Variants in STAMBP observed in about 807,000 individuals in gnomAD.
STAMBP encodes STAM-binding protein.
STAMBP carries 31 observed loss-of-function variants against 50.7 expected under a neutral mutation model. The observed-to-expected ratio is 0.61, with a 90% CI of 0.46 to 0.83. The LOEUF is 0.83. Among genes scored for constraint, STAMBP ranks in the 40% least tolerant of loss-of-function variants. The pLI, the probability that STAMBP is intolerant of heterozygous loss-of-function variation, is 0.00. For missense variants in STAMBP, 472 were observed against 518.9 expected (o/e 0.91, Z 0.88); for synonymous variants, 211 against 192.4 (o/e 1.10, Z -0.80).
In STAMBP at chr2:73,850,231, T is replaced by C. The variant is rs1415878511; in HGVS notation, c.868-145T>C. ...AGGCAATGTGCATCAGCAGCCAAGG[T>C]TGTGAACCACTGAGTGGCAGGACTC... is the stretch of plus-strand genomic sequence containing the variant. On this transcript the variant is annotated intron_variant, in intron 6 of 9. Coordinates refer to ENST00000394070, the MANE Select transcript of STAMBP (RefSeq NM_213622.4). The surrounding 1 kb of genome is among the most constrained non-coding windows in gnomAD (Gnocchi z 4.3). 2.8e-6 allele frequency: 3 copies of C among 1,081,424 alleles called. No individual in the cohort carries two copies. Among genetic ancestry groups the C allele is most frequent in the Non-Finnish European group, 4.0e-6 (3 of 758,224 alleles). The allele number at this position is 1,081,424 out of a possible 1,614,324, so 67.0% of individuals were successfully genotyped here. A position where few individuals can be genotyped will look rare whatever the true frequency, so the allele number is the denominator to read the frequency against.
chr2:73,872,399 C>G (rs1305991373), intron 10 of STAMBP, among the ~76,000 whole-genome samples: 1 of 152,178 alleles, frequency 6.6e-6, no homozygotes, highest in Non-Finnish European at 1.5e-5. Context: ...GGGGTAGTGA[C>G]CTTCTCACTC....
At chr2:73,847,350 G>A (rs1171078123) in intron 4 of STAMBP, 37 bp from the exon 5 acceptor site, 1 of 1,557,212 alleles carries the variant, frequency 6.4e-7, no homozygotes, top group African/African-American at 1.4e-5. Context: ...AAGTCACTGA[G>A]GTGTGAAGTG....
At chr2:73,868,546 G>C (rs546102171), downstream of STAMBP, among the ~76,000 whole-genome samples, 3 of 152,262 alleles carry the variant, frequency 2.0e-5, no homozygotes, top group South Asian at 6.2e-4. Context: ...ATTTTTTTAA[G>C]ATGAAAATCA....
Position 73,860,104 on chromosome 2 carries a change from C to T in STAMBP, c.1171C>T (p.Arg391Cys), listed in dbSNP as rs1272766907. 5 of 1,613,596 alleles carry T rather than the reference C, an allele frequency of 3.1e-6. No homozygotes were observed. The highest frequency in any genetic ancestry group is 4.5e-5 in the East Asian group (2 of 44,890). The part of the protein sequence containing the change: ...DHGLEEISSC[R>C]QKGFHPHSKD... Reference sequence around the variant, plus strand: ...TGGACTAGAGGAGATTTCTTCCTGTCGCCAGAAAGGATTTCATCCACACAG... The same window carrying T: ...TGGACTAGAGGAGATTTCTTCCTGTTGCCAGAAAGGATTTCATCCACACAG... The change falls in exon 9 of 10, where the codon CGC becomes TGC. Residue 391 changes from arginine to cysteine, a missense_variant. Transcript: ENST00000394070.
At chr2:73,851,462 G>A (rs1478958208) in intron 7 of STAMBP, among the ~76,000 whole-genome samples, 1 of 152,186 alleles carries the variant, frequency 6.6e-6, no homozygotes, top group African/African-American at 2.4e-5. Flanking sequence ...AGGCACTGTG[G>A]AATTCAGAGG....
chr2:73,829,962 T>C (rs79563088), intron 1 of STAMBP, among the ~76,000 whole-genome samples: 3,610 of 152,304 alleles, frequency 0.024, 142 homozygotes, highest in African/African-American at 0.081. Flanking sequence ...TTCTAGAGCA[T>C]ACTGATTAGG....
chr2:73,860,040 T>G lies in STAMBP; in HGVS notation c.1119-12T>G. On this transcript the variant is annotated splice_polypyrimidine_tract_variant and intron_variant, in intron 8 of 9. Transcript: ENST00000394070. ...TTTGCTTGACTCTTAGCCTGCCTTT[T>G]TTAAATTTCAGAACTGGATTCTTTA... The G allele has an allele frequency of 6.2e-7, 1 of 1,612,196 alleles. No individual in the cohort carries two copies. Among genetic ancestry groups the G allele is most frequent in the Non-Finnish European group, 8.5e-7 (1 of 1,178,556 alleles).
intron 2 of STAMBP, among the ~76,000 whole-genome samples, chr2:73,842,526 C>A (rs1352494688): frequency 6.6e-6 from 1 of 152,100 alleles, no homozygotes; most frequent in Non-Finnish European, 1.5e-5. Context: ...TTTTATAAGT[C>A]TTTCTTAAAT....
Position 73,857,068 on chromosome 2 carries a change from C to A in STAMBP, c.1006-2186C>A, listed in dbSNP as rs577433437. Among the ~76,000 whole-genome samples, 92 of 152,326 alleles carry A rather than the reference C, an allele frequency of 6.0e-4. 1 individual carries two copies. Among genetic ancestry groups the A allele is most frequent in the African/African-American group, 4.6e-4 (19 of 41,568 alleles). On this transcript the variant is annotated intron_variant, in intron 7 of 9. Transcript: ENST00000394070. ...CTGGAATGTGGCACAGCATTGAATT[C>A]TTCTGCCTTGTCTATTCCAGCCTCA... is the stretch of plus-strand genomic sequence containing the variant.
intron 7 of STAMBP, among the ~76,000 whole-genome samples, chr2:73,851,523 C>T (rs1038471866): frequency 6.6e-6 from 1 of 152,152 alleles, no homozygotes; most frequent in Non-Finnish European, 1.5e-5. Context: ...CAAGCTGGGC[C>T]AAGGGCAAGT....
intron 2 of STAMBP, among the ~76,000 whole-genome samples, chr2:73,834,236 AATATATATATATATATATATATATAT>A (rs148699255): frequency 2.7e-5 from 1 of 36,414 alleles, no homozygotes; most frequent in African/African-American, 1.6e-4. Context: ...AAAAAAAAAA[AATATATATATATATATATATATATAT>A]ATATATATAT....
chr2:73,854,153 A>G (rs1285139962), intron 7 of STAMBP, among the ~76,000 whole-genome samples: 1 of 152,236 alleles, frequency 6.6e-6, no homozygotes, highest in Non-Finnish European at 1.5e-5. Context: ...GGGGAAAAAC[A>G]TCCATTCCTC....
In STAMBP at chr2:73,851,423, C is replaced by T. The variant is rs144396289; in HGVS notation, c.1005+910C>T. 2.4e-3 allele frequency among the ~76,000 whole-genome samples: 358 copies of T among 152,258 alleles called. 4 individuals carry two copies. Among genetic ancestry groups the T allele is most frequent in the African/African-American group, 7.7e-3 (320 of 41,552 alleles). On this transcript the variant is annotated intron_variant, in intron 7 of 9. Transcript: ENST00000394070. ...ATTAATAACTTCACCTGGGGCAGAA[C>T]GTGCTAAAGGCCACAAGAGGTGCCA...
intron 7 of STAMBP, among the ~76,000 whole-genome samples, chr2:73,857,201 G>T (rs1383461452): frequency 6.6e-6 from 1 of 152,080 alleles, no homozygotes; most frequent in Non-Finnish European, 1.5e-5. Context: ...CTGTCCCTGG[G>T]TCCTCTCCAT....
At chr2:73,834,237 AT>A (rs57610127) in intron 2 of STAMBP, among the ~76,000 whole-genome samples, 4,654 of 11,028 alleles carry the variant, frequency 0.42, 1,193 homozygotes, top group Non-Finnish European at 0.48. Flanking sequence ...AAAAAAAAAA[AT>A]ATATATATAT....
At chr2:73,868,412 G>A (rs1227474796), downstream of STAMBP, among the ~76,000 whole-genome samples, 1 of 152,002 alleles carries the variant, frequency 6.6e-6, no homozygotes, top group East Asian at 1.9e-4. Context: ...GAGCCCTGAG[G>A]CGTTTGGTGA....
chr2:73,836,314 C>T lies in STAMBP; in HGVS notation c.203+5255C>T, dbSNP rs947535654. On this transcript the variant is annotated intron_variant, in intron 2 of 9. Transcript: ENST00000394070. ...GGGGTGGAGGAGGTGAGGCGATTGC[C>T]GAGGCAGGAGCAGCAGCTGTTGCAG... is the stretch of plus-strand genomic sequence containing the variant. Among the ~76,000 whole-genome samples, 19 of 152,270 alleles carry T rather than the reference C, an allele frequency of 1.2e-4. No homozygotes were observed. In the East Asian group the frequency reaches 1.4e-3, roughly 11 times the overall value.
intron 7 of STAMBP, among the ~76,000 whole-genome samples, chr2:73,852,523 TAGG>T (rs1676956721): frequency 6.6e-6 from 1 of 152,064 alleles, no homozygotes; most frequent in Non-Finnish European, 1.5e-5. Flanking sequence ...GCCCTGGAAG[TAGG>T]AGAAGAGTCT....
intron 2 of STAMBP, among the ~76,000 whole-genome samples, chr2:73,839,264 A>G (rs750794469): frequency 2.0e-5 from 3 of 152,194 alleles, no homozygotes; most frequent in South Asian, 4.1e-4. Context: ...ACCCCAGTAT[A>G]GAAGAAAGAG....
Sources: allele counts gnomAD v4.1 joint callset (sites outside exome capture counted in the v4.1 genomes callset), GRCh38; gene constraint gnomAD v4.1.1; non-coding constraint Gnocchi (gnomAD v3.1); transcripts MANE v1.5; gene names NCBI Gene and HGNC (gene_info 2026-07-23, HGNC 2026-07-21).